Variants in DACH2 observed in about 807,000 individuals in gnomAD.
The protein encoded by DACH2 is dachshund family transcription factor 2.
Under a neutral mutation model 35.8 loss-of-function variants are expected in DACH2, and 17 were observed. That is an observed-to-expected ratio of 0.48 (90% CI 0.33 to 0.71). DACH2 has a LOEUF of 0.71. Among genes scored for constraint, DACH2 ranks in the 30% least tolerant of loss-of-function variants. The pLI, the probability that DACH2 is intolerant of heterozygous loss-of-function variation, is 0.02. For synonymous variants in DACH2, 195 were observed against 177.3 expected, an observed-to-expected ratio of 1.10 and a Z score of -0.79; for missense variants, 469 against 472.7, an observed-to-expected ratio of 0.99 and a Z score of 0.07.
chrX:86,379,749 A>G (rs1301278845), intron 2 of DACH2, among the ~76,000 whole-genome samples: 2 of 111,234 alleles, frequency 1.8e-5, no homozygotes, highest in Non-Finnish European at 3.8e-5. Flanking sequence ...TGCAGATTTA[A>G]CACAAACACA....
chrX:86,524,616 G>A (rs1466370673), intron 3 of DACH2, among the ~76,000 whole-genome samples: 1 of 111,867 alleles, frequency 8.9e-6, no homozygotes, highest in African/African-American at 3.2e-5. Context: ...TATTATATTA[G>A]CTGAATCTCA....
intron 4 of DACH2, among the ~76,000 whole-genome samples, chrX:86,667,651 A>G (rs942982412): frequency 9.0e-6 from 1 of 111,029 alleles, no homozygotes; most frequent in Admixed American, 9.5e-5. Flanking sequence ...CTTTCCTTCC[A>G]CAATAAAAGA....
rs748632335 is a variant in DACH2 at position 86,300,548 on chromosome X, AG to A, written c.489-76270del. On this transcript the variant is annotated intron_variant, in intron 1 of 11. Transcript: ENST00000373125. ...CCTGTTGTGGGGTGGGGGAAGGGAG[AG>A]GGGGGAGGGATAGCATTAGGAGATA... Among the ~76,000 whole-genome samples the A allele has an allele frequency of 7.8e-3, 653 of 83,244 alleles. 5 individuals are homozygous for A. The highest frequency in any genetic ancestry group is 0.028 in the African/African-American group (625 of 22,230). 72.3% of individuals were successfully genotyped at this position (83,244 alleles called of 115,157 possible). A position where few individuals can be genotyped will look rare whatever the true frequency, so the allele number is the denominator to read the frequency against.
intron 2 of DACH2, among the ~76,000 whole-genome samples, chrX:86,441,144 C>T (rs751972376): frequency 1.6e-4 from 18 of 111,193 alleles, no homozygotes; most frequent in Admixed American, 1.4e-3. Context: ...GTATAGTAAT[C>T]ACATCAGGGT....
intron 3 of DACH2, among the ~76,000 whole-genome samples, chrX:86,589,370 C>T (rs1174824106): frequency 3.6e-5 from 4 of 110,486 alleles, no homozygotes; most frequent in South Asian, 3.8e-4. Flanking sequence ...TTACCTCACT[C>T]TATTTTTTAA....
At chrX:86,796,977 C>T (rs1354333461) in intron 7 of DACH2, among the ~76,000 whole-genome samples, 1 of 111,185 alleles carries the variant, frequency 9.0e-6, no homozygotes, top group African/African-American at 3.3e-5. Flanking sequence ...ACAACAATAA[C>T]TGATGGAAAT....
chrX:86,654,513 G>A (rs1388339888), intron 4 of DACH2, among the ~76,000 whole-genome samples: 3 of 111,097 alleles, frequency 2.7e-5, no homozygotes, highest in Non-Finnish European at 5.7e-5. Context: ...AACCAGTGCT[G>A]ACAGTGACTT....
At chrX:86,425,256 T>C (rs183105896) in intron 2 of DACH2, among the ~76,000 whole-genome samples, 10 of 110,751 alleles carry the variant, frequency 9.0e-5, no homozygotes, top group Non-Finnish European at 1.3e-4. Context: ...GGTATCGGTA[T>C]TAGTTCTTCT....
At chrX:86,358,247 A>C (rs1239760939) in intron 1 of DACH2, among the ~76,000 whole-genome samples, 1 of 111,612 alleles carries the variant, frequency 9.0e-6, no homozygotes, top group East Asian at 2.8e-4. Flanking sequence ...AAGTTGTAAG[A>C]GATAGAAAAA....
chrX:86,283,869 T>TAC (rs780423253), intron 1 of DACH2, among the ~76,000 whole-genome samples: 4 of 55,022 alleles, frequency 7.3e-5, no homozygotes, highest in East Asian at 6.6e-4. Context: ...ACTTAAAGTA[T>TAC]ATACACACAC....
chrX:86,245,534 C>T (rs888618720), intron 1 of DACH2, among the ~76,000 whole-genome samples: 12 of 111,665 alleles, frequency 1.1e-4, no homozygotes, highest in African/African-American at 2.3e-4. Flanking sequence ...ACTAGCCCCG[C>T]GAGGTTATAG....
intron 2 of DACH2, among the ~76,000 whole-genome samples, chrX:86,420,456 T>C (rs190670157): frequency 8.9e-6 from 1 of 111,911 alleles, no homozygotes; most frequent in Admixed American, 9.5e-5. Flanking sequence ...GAGGGCTTTG[T>C]TAAAATATTC....
At chrX:86,832,058 A>T in intron 11 of DACH2, 48 bp from the exon 12 acceptor site, 1 of 920,113 alleles carries the variant, frequency 1.1e-6, no homozygotes, top group Non-Finnish European at 1.6e-6. Flanking sequence ...TTAAGCACGT[A>T]TCAGAATGAC....
chrX:86,402,301 A>C (rs765901399), intron 2 of DACH2, among the ~76,000 whole-genome samples: 2 of 112,132 alleles, frequency 1.8e-5, no homozygotes, highest in South Asian at 7.4e-4. Flanking sequence ...GAGTCTGCTA[A>C]AAGGCTCCTA....
chrX:86,674,404 G>A (rs2040804146), intron 4 of DACH2, among the ~76,000 whole-genome samples: 2 of 112,343 alleles, frequency 1.8e-5, no homozygotes, highest in Admixed American at 9.4e-5. Context: ...ATATTCAAAT[G>A]TTCTACCAGC....
intron 3 of DACH2, among the ~76,000 whole-genome samples, chrX:86,545,158 C>G (rs2038940170): frequency 9.0e-6 from 1 of 111,650 alleles, no homozygotes; most frequent in Non-Finnish European, 1.9e-5. Flanking sequence ...AACCGAAAAG[C>G]CCACCAACAG....
intron 2 of DACH2, among the ~76,000 whole-genome samples, chrX:86,388,680 G>T (rs1264776586): frequency 8.9e-6 from 1 of 111,770 alleles, no homozygotes; most frequent in Non-Finnish European, 1.9e-5. Context: ...TGAGACAATG[G>T]TCAAGATCAG....
chrX:86,632,596 G>A (rs1317951254), intron 3 of DACH2, among the ~76,000 whole-genome samples: 1 of 110,103 alleles, frequency 9.1e-6, no homozygotes, highest in Non-Finnish European at 1.9e-5. Flanking sequence ...TACACAATGG[G>A]GACAAGGTAG....
At chrX:86,242,278 G>A (rs1033537459) in intron 1 of DACH2, among the ~76,000 whole-genome samples, 5 of 112,517 alleles carry the variant, frequency 4.4e-5, no homozygotes, top group Non-Finnish European at 9.4e-5. Context: ...GGCCTTACGA[G>A]CCCACCCCTT....
Sources: allele counts gnomAD v4.1 joint callset (sites outside exome capture counted in the v4.1 genomes callset), GRCh38; gene constraint gnomAD v4.1.1; transcripts MANE v1.5; gene names NCBI Gene and HGNC (gene_info 2026-07-23, HGNC 2026-07-21).